The following HNF4G variants were observed in gnomAD, a reference collection of about 807,000 sequenced individuals.
HNF4G encodes the protein hepatocyte nuclear factor 4-gamma.
HNF4G carries 21 observed loss-of-function variants against 50.9 expected under a neutral mutation model. The observed-to-expected ratio is 0.41, with a 90% CI of 0.29 to 0.59. The LOEUF is 0.59. Ranked by LOEUF, HNF4G falls within the 20% of genes least tolerant of loss-of-function variation. The probability of loss-of-function intolerance (pLI) is 0.26; values close to 1 mark genes in which losing one functional copy is unlikely to be tolerated. For missense variants in HNF4G, 527 were observed against 559.4 expected, an observed-to-expected ratio of 0.94 and a Z score of 0.58; for synonymous variants, 198 against 185.6, an observed-to-expected ratio of 1.07 and a Z score of -0.54.
intron 5 of HNF4G, among the ~76,000 whole-genome samples, chr8:75,553,674 C>T (rs2941465): frequency 0.48 from 73,322 of 151,398 alleles, 18,605 homozygotes; most frequent in African/African-American, 0.63. Context: ...ATGCAATTAA[C>T]ATAAAGTTTT....
chr8:75,435,786 G>T (rs1179117604), intron 1 of HNF4G, among the ~76,000 whole-genome samples: 3 of 151,916 alleles, frequency 2.0e-5, no homozygotes, highest in Non-Finnish European at 4.4e-5. Flanking sequence ...TAGAGACGGG[G>T]TTTCTCCATG....
intron 2 of HNF4G, among the ~76,000 whole-genome samples, chr8:75,505,330 T>C (rs1813047390): frequency 6.6e-6 from 1 of 152,152 alleles, no homozygotes; most frequent in Non-Finnish European, 1.5e-5. Flanking sequence ...GCTGTGCTTC[T>C]TTCCTGATTC....
chr8:75,483,254 A>T (rs919100714), intron 1 of HNF4G, among the ~76,000 whole-genome samples: 1 of 151,002 alleles, frequency 6.6e-6, no homozygotes, highest in African/African-American at 2.4e-5. Flanking sequence ...AAGTCACTTA[A>T]TTTTTTTTTT....
At chr8:75,551,350 G>A (rs778320646) in intron 3 of HNF4G, 38 bp from the exon 4 acceptor site, 82 of 1,168,876 alleles carry the variant, frequency 7.0e-5, no homozygotes, top group Non-Finnish European at 9.8e-5. Context: ...ATACACTAAA[G>A]AGAAGTGCTC....
chr8:75,423,905 C>T (rs1810834708), intron 1 of HNF4G, among the ~76,000 whole-genome samples: 1 of 132,642 alleles, frequency 7.5e-6, no homozygotes, highest in Non-Finnish European at 1.6e-5. Flanking sequence ...TGCACTGCAA[C>T]CTCAACTTCC....
intron 1 of HNF4G, among the ~76,000 whole-genome samples, chr8:75,470,041 C>A (rs1812077696): frequency 6.6e-6 from 1 of 152,174 alleles, no homozygotes; most frequent in South Asian, 2.1e-4. Context: ...AAAACTCTCA[C>A]TTTTTAGATG....
At chr8:75,454,837 G>A (rs918375511) in intron 1 of HNF4G, among the ~76,000 whole-genome samples, 2 of 152,068 alleles carry the variant, frequency 1.3e-5, no homozygotes, top group East Asian at 3.9e-4. Flanking sequence ...TGAGGGCAGG[G>A]AATATCCCCA....
chr8:75,444,115 G>A (rs576039080), intron 1 of HNF4G, among the ~76,000 whole-genome samples: 6 of 152,068 alleles, frequency 3.9e-5, no homozygotes, highest in African/African-American at 1.4e-4. Flanking sequence ...GAGAGTGGGG[G>A]CCAATATTCA....
At chr8:75,510,401 G>T (rs1805718642) in intron 2 of HNF4G, among the ~76,000 whole-genome samples, 2 of 152,226 alleles carry the variant, frequency 1.3e-5, no homozygotes, top group East Asian at 1.9e-4. Flanking sequence ...CCTACATAAA[G>T]TCTGCAATAG....
At chr8:75,475,297 T>G (rs540072443) in intron 1 of HNF4G, among the ~76,000 whole-genome samples, 1 of 152,358 alleles carries the variant, frequency 6.6e-6, no homozygotes, top group African/African-American at 2.4e-5. Context: ...CGTGAGCCAC[T>G]GTGCCTGGCC....
chr8:75,448,716 C>T (rs1475208120), intron 1 of HNF4G, among the ~76,000 whole-genome samples: 1 of 151,642 alleles, frequency 6.6e-6, no homozygotes, highest in Non-Finnish European at 1.5e-5. Flanking sequence ...CCTAAAAGGA[C>T]AACTATCTAT....
At chr8:75,420,307 C>G (rs923028207) in intron 1 of HNF4G, among the ~76,000 whole-genome samples, 5 of 152,182 alleles carry the variant, frequency 3.3e-5, no homozygotes, top group Admixed American at 3.3e-4. Flanking sequence ...CCACATTGCT[C>G]CCTTCAAGGA....
chr8:75,409,626 T>A (rs1447353398), intron 1 of HNF4G, among the ~76,000 whole-genome samples: 1 of 151,304 alleles, frequency 6.6e-6, no homozygotes, highest in Admixed American at 6.6e-5. Context: ...GTAGCTGGGA[T>A]TACAGGCGCC....
At chr8:75,445,729 G>T (rs1811410003) in intron 1 of HNF4G, among the ~76,000 whole-genome samples, 1 of 142,814 alleles carries the variant, frequency 7.0e-6, no homozygotes, top group Admixed American at 7.0e-5. Context: ...GACTAAACCA[G>T]GAAGAAGTTG....
chr8:75,507,829 A>G (rs1360933611), intron 2 of HNF4G, among the ~76,000 whole-genome samples: 1 of 152,164 alleles, frequency 6.6e-6, no homozygotes, highest in African/African-American at 2.4e-5. Flanking sequence ...GCAAAGTTTA[A>G]GACAATTTTA....
At chr8:75,415,333 T>C (rs926500889) in intron 1 of HNF4G, among the ~76,000 whole-genome samples, 1 of 152,114 alleles carries the variant, frequency 6.6e-6, no homozygotes, top group Non-Finnish European at 1.5e-5. Context: ...TTTATTCTTA[T>C]ACAAGGGATA....
At chr8:75,508,726 C>T (rs1286660963) in intron 2 of HNF4G, among the ~76,000 whole-genome samples, 2 of 152,098 alleles carry the variant, frequency 1.3e-5, no homozygotes, top group South Asian at 4.1e-4. Context: ...CGTAGGCAAA[C>T]ACAGAGGCAA....
At chr8:75,458,710 T>C (rs1385098115) in intron 1 of HNF4G, among the ~76,000 whole-genome samples, 13 of 152,146 alleles carry the variant, frequency 8.5e-5, no homozygotes, top group Non-Finnish European at 1.9e-4. Context: ...CACTTACAGG[T>C]TGGCATTCAG....
At chr8:75,540,645 G>T (rs531606804) in intron 1 of HNF4G, among the ~76,000 whole-genome samples, 16 of 152,000 alleles carry the variant, frequency 1.1e-4, no homozygotes, top group Non-Finnish European at 1.6e-4. Context: ...ATGTTTAGCC[G>T]CACAAAGCTG....
Sources: gnomAD v4.1 joint callset for allele counts (sites outside exome capture counted in the v4.1 genomes callset) on GRCh38, gnomAD v4.1.1 for gene constraint, MANE v1.5 for transcripts, NCBI Gene and HGNC (gene_info 2026-07-23, HGNC 2026-07-21) for gene names.